The following COL4A1 variants were observed in gnomAD, a reference collection of about 807,000 sequenced individuals.
The protein encoded by COL4A1 is collagen alpha-1(IV) chain.
COL4A1 carries 40 observed loss-of-function variants against 216.6 expected under a neutral mutation model. That is an observed-to-expected ratio of 0.18 (90% confidence interval 0.14 to 0.24). COL4A1 has a LOEUF of 0.24. Among genes scored for constraint, COL4A1 ranks in the 10% least tolerant of loss-of-function variants. COL4A1 has a pLI of 1.00. For missense variants in COL4A1, 1,628 were observed against 2,196.8 expected (o/e 0.74, Z 5.18); for synonymous variants, 839 against 810.7 (o/e 1.03, Z -0.59).
At chr13:110,223,652 C>T (rs1050413734) in intron 2 of COL4A1, among the ~76,000 whole-genome samples, 2 of 152,228 alleles carry the variant, frequency 1.3e-5, no homozygotes, top group African/African-American at 2.4e-5. Flanking sequence ...ATGTTGCACA[C>T]TGCAGCAATC....
intron 1 of COL4A1, among the ~76,000 whole-genome samples, chr13:110,272,923 C>T (rs1883297927): frequency 6.6e-6 from 1 of 152,226 alleles, no homozygotes; most frequent in Non-Finnish European, 1.5e-5. Flanking sequence ...CCCCAGGCAT[C>T]GCTCCTCTGT....
chr13:110,167,663 A>G (rs1045923497), intron 43 of COL4A1, among the ~76,000 whole-genome samples: 1 of 152,244 alleles, frequency 6.6e-6, no homozygotes, highest in Non-Finnish European at 1.5e-5. Flanking sequence ...CTTTAGAATT[A>G]GTTTCATGTC....
intron 46 of COL4A1, 51 bp downstream of exon 46, chr13:110,164,811 A>G: frequency 6.2e-7 from 1 of 1,603,294 alleles, no homozygotes; most frequent in South Asian, 1.1e-5. Flanking sequence ...AACTCTGACC[A>G]CTGCCCCTCT....
intron 1 of COL4A1, among the ~76,000 whole-genome samples, chr13:110,256,394 C>A (rs970769567): frequency 2.6e-5 from 4 of 152,186 alleles, no homozygotes; most frequent in Non-Finnish European, 5.9e-5. Flanking sequence ...GTGAAGACAG[C>A]AGAGGAGGAT....
At chr13:110,225,210 C>A (rs574846896) in intron 2 of COL4A1, among the ~76,000 whole-genome samples, 2 of 152,334 alleles carry the variant, frequency 1.3e-5, no homozygotes, top group Non-Finnish European at 2.9e-5. Flanking sequence ...TGGAACCCAG[C>A]AGGCAGTGAC....
intron 1 of COL4A1, among the ~76,000 whole-genome samples, chr13:110,260,601 T>A (rs1025994608): frequency 3.3e-5 from 5 of 152,196 alleles, no homozygotes; most frequent in Admixed American, 6.5e-5. Context: ...ACGGAATGCA[T>A]GCCTCTCGTG....
At chr13:110,219,707 CAT>C (rs796913965) in intron 2 of COL4A1, among the ~76,000 whole-genome samples, 11,869 of 37,020 alleles carry the variant, frequency 0.32, 653 homozygotes, top group East Asian at 0.47. Context: ...TATGTATATA[CAT>C]ATGTGTATAT....
In COL4A1 at chr13:110,201,423, A is replaced by C; in HGVS notation, c.1084+15T>G. ...GGGGGAGTAGGAGGAGGGGGGAAAA[A>C]GGCAAGAAAGCTACCTTTTGGGCCT... On this transcript the variant is annotated intron_variant, in intron 19 of 51. Coordinates refer to ENST00000375820, the MANE Select transcript of COL4A1 (RefSeq NM_001845.6). The C allele has an allele frequency of 1.2e-6, 2 of 1,609,778 alleles. No individual in the cohort carries two copies. The highest frequency in any genetic ancestry group is 4.5e-5 in the East Asian group (2 of 44,650).
chr13:110,278,139 T>C (rs1007770671), intron 1 of COL4A1, among the ~76,000 whole-genome samples: 2 of 152,218 alleles, frequency 1.3e-5, no homozygotes, highest in African/African-American at 4.8e-5. Flanking sequence ...TAGAGCCACT[T>C]AGAATTGTGG....
At chr13:110,190,019 C>T (rs1434051607) in intron 24 of COL4A1, among the ~76,000 whole-genome samples, 2 of 152,302 alleles carry the variant, frequency 1.3e-5, no homozygotes, top group East Asian at 1.9e-4. Flanking sequence ...AACCTGCAAA[C>T]ATCATTATAT....
At chr13:110,252,855 G>A (rs55913277) in intron 1 of COL4A1, among the ~76,000 whole-genome samples, 13 of 120,746 alleles carry the variant, frequency 1.1e-4, no homozygotes, top group East Asian at 9.7e-4. Context: ...CTATAAGTAC[G>A]TATGTATTAC....
chr13:110,203,463 C>G (rs1879336332), intron 18 of COL4A1, 103 bp downstream of exon 18: 2 of 1,333,204 alleles, frequency 1.5e-6, no homozygotes. Flanking sequence ...CTCTCACAGA[C>G]CCAGGGTCCT....
In COL4A1 at chr13:110,169,628, C is replaced by T; in HGVS notation, c.3876+1G>A. On this transcript the variant is annotated splice_donor_variant, in intron 43 of 51. Coordinates refer to ENST00000375820, the MANE Select transcript of COL4A1 (RefSeq NM_001845.6). LOFTEE classifies it high-confidence loss of function. ...TAAAAATCTACAAATCAATAACTCA[C>T]AGGCATGCCCTGGAATCCAGGGTCT... The T allele has an allele frequency of 6.2e-7, 1 of 1,614,044 alleles. No homozygotes were observed. The highest frequency in any genetic ancestry group is 8.5e-7 in the Non-Finnish European group (1 of 1,180,032).
chr13:110,228,318 G>A (rs1880845987), intron 2 of COL4A1, among the ~76,000 whole-genome samples: 1 of 152,144 alleles, frequency 6.6e-6, no homozygotes. Context: ...ACTGGGTGAA[G>A]CAGATTCCTT....
Position 110,164,932 on chromosome 13 carries a change from C to T in COL4A1, c.4080G>A (p.Gly1360=). 1.9e-6 allele frequency: 3 copies of T among 1,604,886 alleles called. No individual in the cohort carries two copies. Among genetic ancestry groups the T allele is most frequent in the Non-Finnish European group, 2.6e-6 (3 of 1,175,890 alleles). ...CTGGGGGGCCCTCAGGACCAGGGAG[C>T]CCGGGCTCCCCTTTGATGATGTCGT... ...GPYDIIKGEP[G]LPGPEGPPGL... The change falls in exon 46 of 52, where the codon GGG becomes GGA. Residue 1360 remains glycine (G), a synonymous_variant. Coordinates refer to ENST00000375820, the MANE Select transcript of COL4A1 (RefSeq NM_001845.6).
chr13:110,247,798 T>C (rs1260654628), intron 1 of COL4A1, among the ~76,000 whole-genome samples: 6 of 116,780 alleles, frequency 5.1e-5, no homozygotes, highest in Non-Finnish European at 9.0e-5. Context: ...CTCGTGTGTG[T>C]GTGTGTGTGT....
chr13:110,277,347 A>G (rs579019), intron 1 of COL4A1, among the ~76,000 whole-genome samples: 2 of 152,158 alleles, frequency 1.3e-5, no homozygotes, highest in African/African-American at 4.8e-5. Context: ...GCCATTCTTT[A>G]TTTTCCCCAA....
chr13:110,208,424 C>T (rs1879618211), intron 12 of COL4A1, among the ~76,000 whole-genome samples: 1 of 152,168 alleles, frequency 6.6e-6, no homozygotes, highest in African/African-American at 2.4e-5. Flanking sequence ...AGAAGAGAGG[C>T]CGGTGGTGAG....
rs16975424 is a variant in COL4A1 at position 110,162,576 on chromosome 13, A to G, written c.4250-134T>C. 107,732 of 733,940 alleles carry G rather than the reference A, an allele frequency of 0.15. 8,648 individuals are homozygous for G. Among genetic ancestry groups the G allele is most frequent in the Middle Eastern group, 0.21 (550 of 2,646 alleles). The allele number at this position is 733,940 out of a possible 1,614,324, so 45.5% of individuals were successfully genotyped here. On this transcript the variant is annotated intron_variant, in intron 47 of 51. Coordinates refer to ENST00000375820, the MANE Select transcript of COL4A1 (RefSeq NM_001845.6). ...TATCCTACCTATTCATGTTACCAAA[A>G]AAGTCTAAAAAGAATGCATGGCTAA...
Sources: allele counts gnomAD v4.1 joint callset (sites outside exome capture counted in the v4.1 genomes callset), GRCh38; gene constraint gnomAD v4.1.1; transcripts MANE v1.5; gene names NCBI Gene and HGNC (gene_info 2026-07-23, HGNC 2026-07-21).